The following NRXN1 variants were observed in gnomAD, a reference collection of about 807,000 sequenced individuals.
NRXN1 encodes the protein neurexin-1.
A neutral mutation model predicts 150.9 loss-of-function variants in NRXN1; 39 were observed. That is an observed-to-expected ratio of 0.26 (90% CI 0.20 to 0.34). The LOEUF (loss-of-function observed/expected upper bound fraction) is 0.34. Among genes scored for constraint, NRXN1 ranks in the 10% least tolerant of loss-of-function variants. The pLI is 1.00. For synonymous variants in NRXN1, 924 were observed against 757.0 expected (o/e 1.22, Z -3.62); for missense variants, 1,815 against 1,949.9 (o/e 0.93, Z 1.30).
chr2:50,947,770 G>A (rs1419125672), intron 2 of NRXN1, among the ~76,000 whole-genome samples: 3 of 151,914 alleles, frequency 2.0e-5, no homozygotes, highest in African/African-American at 7.2e-5. Context: ...AAGCTACGAA[G>A]GGTTTCCCTC....
chr2:50,591,381 CAGATAGAT>C (rs59774040), intron 8 of NRXN1, among the ~76,000 whole-genome samples: 11,746 of 134,694 alleles, frequency 0.087, 521 homozygotes, highest in African/African-American at 0.12. Flanking sequence ...CACTATATAT[CAGATAGAT>C]AGATAGATAG....
intron 17 of NRXN1, among the ~76,000 whole-genome samples, chr2:50,265,435 A>C (rs1335897580): frequency 6.6e-6 from 1 of 152,106 alleles, no homozygotes; most frequent in African/African-American, 2.4e-5. Context: ...TATCATAAAG[A>C]GGGGAGAGTA....
At chr2:50,986,573 T>C (rs549694919) in intron 2 of NRXN1, among the ~76,000 whole-genome samples, 1 of 151,812 alleles carries the variant, frequency 6.6e-6, no homozygotes, top group East Asian at 1.9e-4. Context: ...GAGAAAAATA[T>C]CTAATAAATT....
At chr2:50,040,242 C>T (rs1690722423) in intron 21 of NRXN1, among the ~76,000 whole-genome samples, 1 of 151,726 alleles carries the variant, frequency 6.6e-6, no homozygotes, top group Admixed American at 6.6e-5. Context: ...AATGTGGATA[C>T]TTAAGAGATA....
chr2:50,357,286 A>G (rs1369376603), intron 17 of NRXN1, among the ~76,000 whole-genome samples: 1 of 93,940 alleles, frequency 1.1e-5, no homozygotes, highest in East Asian at 5.3e-4. Context: ...TAAATAATAC[A>G]TTTATTTATT....
intron 17 of NRXN1, among the ~76,000 whole-genome samples, chr2:50,300,305 T>C (rs1383124149): frequency 1.3e-5 from 2 of 152,208 alleles, no homozygotes; most frequent in Non-Finnish European, 2.9e-5. Context: ...AAACAATGGT[T>C]TGAGTTATAC....
chr2:50,061,683 G>A (rs1694557340), intron 19 of NRXN1, among the ~76,000 whole-genome samples: 1 of 152,132 alleles, frequency 6.6e-6, no homozygotes, highest in African/African-American at 2.4e-5. Context: ...ATTTATAAAA[G>A]CAGAGCCTTC....
chr2:50,344,650 A>G (rs2077798871), intron 17 of NRXN1, among the ~76,000 whole-genome samples: 1 of 152,172 alleles, frequency 6.6e-6, no homozygotes, highest in African/African-American at 2.4e-5. Flanking sequence ...TCTGGAGGGA[A>G]AGAAATGTTT....
At chr2:50,074,398 A>C (rs1177067606) in intron 19 of NRXN1, among the ~76,000 whole-genome samples, 1 of 152,124 alleles carries the variant, frequency 6.6e-6, no homozygotes, top group Non-Finnish European at 1.5e-5. Flanking sequence ...TTTGATTTTT[A>C]TGGAGGCTAG....
intron 21 of NRXN1, among the ~76,000 whole-genome samples, chr2:50,044,497 C>A (rs1448836879): frequency 6.6e-6 from 1 of 152,140 alleles, no homozygotes; most frequent in Non-Finnish European, 1.5e-5. Flanking sequence ...TAGCACATTG[C>A]CAACACTTAA....
Position 50,322,304 on chromosome 2 carries a change from C to A in NRXN1, c.3365-85334G>T, listed in dbSNP as rs190930989. Among the ~76,000 whole-genome samples the A allele has an allele frequency of 9.2e-5, 14 of 152,246 alleles. No homozygotes were observed. In the East Asian group the frequency reaches 2.3e-3, roughly 25 times the overall value. On this transcript the variant is annotated intron_variant, in intron 17 of 22. Transcript: ENST00000401669. ...AAAACCCAGAAACCTCCAAATACTT[C>A]GTGATTGGAAGAGTGCTGTTGTGGG... is the stretch of plus-strand genomic sequence containing the variant.
intron 5 of NRXN1, among the ~76,000 whole-genome samples, chr2:50,820,640 T>G: frequency 6.6e-6 from 1 of 152,182 alleles, no homozygotes; most frequent in Non-Finnish European, 1.5e-5. Context: ...CTACCCTCCA[T>G]CCAGGTGACC....
At chr2:50,216,633 GC>G (rs1365133898) in intron 18 of NRXN1, among the ~76,000 whole-genome samples, 2 of 151,790 alleles carry the variant, frequency 1.3e-5, no homozygotes, top group African/African-American at 4.8e-5. Context: ...CTGTTTTCAA[GC>G]CATTATTTAA....
At chr2:50,711,915 C>A (rs185355133) in intron 5 of NRXN1, among the ~76,000 whole-genome samples, 2 of 152,094 alleles carry the variant, frequency 1.3e-5, no homozygotes, top group Non-Finnish European at 2.9e-5. Context: ...CATCACCAGA[C>A]ACCAGACGCC....
intron 17 of NRXN1, among the ~76,000 whole-genome samples, chr2:50,408,122 C>A (rs562355429): frequency 1.3e-5 from 2 of 152,154 alleles, no homozygotes; most frequent in African/African-American, 4.8e-5. Flanking sequence ...AAGATATAAG[C>A]CCAGCCCTCC....
intron 17 of NRXN1, among the ~76,000 whole-genome samples, chr2:50,238,186 T>C (rs2065655027): frequency 1.3e-5 from 2 of 152,174 alleles, no homozygotes; most frequent in South Asian, 2.1e-4. Context: ...GCATCATTCA[T>C]TGGCCACCCA....
At chr2:50,034,978 T>C (rs1048336047) in intron 21 of NRXN1, among the ~76,000 whole-genome samples, 1 of 152,088 alleles carries the variant, frequency 6.6e-6, no homozygotes, top group African/African-American at 2.4e-5. Context: ...ACAGCTTGGT[T>C]CTATGTGTCA....
chr2:50,693,934 G>A (rs1395345287), intron 5 of NRXN1, among the ~76,000 whole-genome samples: 2 of 152,058 alleles, frequency 1.3e-5, no homozygotes, highest in African/African-American at 4.8e-5. Context: ...TGGAACTATA[G>A]GTATCCACTA....
At chr2:50,928,132 G>A (rs188768806) in intron 2 of NRXN1, among the ~76,000 whole-genome samples, 169 of 151,668 alleles carry the variant, frequency 1.1e-3, no homozygotes, top group African/African-American at 4.0e-3. Context: ...TCCTTTAAAC[G>A]ATCCAAGTCA....
Sources: gnomAD v4.1 joint callset for allele counts (sites outside exome capture counted in the v4.1 genomes callset) on GRCh38, gnomAD v4.1.1 for gene constraint, MANE v1.5 for transcripts, NCBI Gene and HGNC (gene_info 2026-07-23, HGNC 2026-07-21) for gene names.